Variants in HECTD2 observed in about 807,000 individuals in gnomAD.
HECTD2 encodes the protein HECT domain E3 ubiquitin protein ligase 2.
In HECTD2, 35 loss-of-function variants were observed where a neutral mutation model predicts 103.2. The observed-to-expected ratio is 0.34, with a 90% CI of 0.26 to 0.45. The LOEUF is 0.45. Ranked by LOEUF, HECTD2 falls within the 20% of genes least tolerant of loss-of-function variation. The pLI, the probability that HECTD2 is intolerant of heterozygous loss-of-function variation, is 1.00. For missense variants in HECTD2, 596 were observed against 937.4 expected, an observed-to-expected ratio of 0.64 and a Z score of 4.76; for synonymous variants, 281 against 329.9, an observed-to-expected ratio of 0.85 and a Z score of 1.61.
chr10:91,478,305 T>C (rs546827469), intron 6 of HECTD2, 40 bp downstream of exon 6: 1 of 1,215,186 alleles, frequency 8.2e-7, no homozygotes, highest in Non-Finnish European at 1.2e-6. Flanking sequence ...TCAGTATAGA[T>C]GTCTAACTTA....
chr10:91,438,160 G>A (rs1399047529), intron 2 of HECTD2, among the ~76,000 whole-genome samples: 2 of 151,678 alleles, frequency 1.3e-5, no homozygotes, highest in Non-Finnish European at 2.9e-5. Context: ...GTATACACGT[G>A]CAATGGTGGT....
At position 91,487,103 on chromosome 10, in the gene HECTD2, T is replaced by TGA. The variant is rs3834407; in HGVS notation, c.1095-579_1095-578insGA. The TGA allele has an allele frequency of 0.2, 30,604 of 154,360 alleles. 7,249 individuals carry two copies. The highest frequency in any genetic ancestry group is 0.58 in the African/African-American group (23,930 of 41,428). The allele number at this position is 154,360 out of a possible 1,614,324, so 9.6% of individuals were successfully genotyped here. On this transcript the variant is annotated intron_variant, in intron 10 of 20. Coordinates refer to ENST00000298068, the MANE Select transcript of HECTD2 (RefSeq NM_182765.6). The surrounding 1 kb of genome is among the most constrained non-coding windows in gnomAD (Gnocchi z 4.1). ...CAGGAGGGGTTATTTTCATAACCTT[T>TGA]TTATAATGTGTAATTACAAATACAT...
chr10:91,485,469 T>G (rs1846233691), intron 10 of HECTD2, 166 bp downstream of exon 10: 4 of 512,922 alleles, frequency 7.8e-6, no homozygotes, highest in Non-Finnish European at 1.3e-5. Flanking sequence ...TTTCTTTTTC[T>G]GCTACATTTT....
At chr10:91,411,840 T>C (rs1376318218) in intron 1 of HECTD2, among the ~76,000 whole-genome samples, 1 of 152,208 alleles carries the variant, frequency 6.6e-6, no homozygotes, top group Non-Finnish European at 1.5e-5. Context: ...CTGCTGCTGG[T>C]ACCCTAGGTT....
intron 20 of HECTD2, among the ~76,000 whole-genome samples, chr10:91,504,201 ACT>A (rs1403480884): frequency 2.0e-5 from 3 of 152,128 alleles, no homozygotes; most frequent in Non-Finnish European, 2.9e-5. Flanking sequence ...AAAACTGGAA[ACT>A]CTAAAAATCA....
chr10:91,431,406 C>T (rs1006091634), intron 2 of HECTD2, among the ~76,000 whole-genome samples: 11 of 152,136 alleles, frequency 7.2e-5, no homozygotes, highest in African/African-American at 2.7e-4. Context: ...CTCTGTATTT[C>T]CTGAATCTGA....
chr10:91,488,579 G>A (rs577514143), intron 11 of HECTD2: 2 of 152,098 alleles, frequency 1.3e-5, no homozygotes, highest in South Asian at 4.2e-4. Context: ...AATTGAAAAA[G>A]GAATATAGAG....
chr10:91,436,224 G>A (rs1218775771), intron 2 of HECTD2, among the ~76,000 whole-genome samples: 1 of 151,942 alleles, frequency 6.6e-6, no homozygotes, highest in African/African-American at 2.4e-5. Flanking sequence ...TCTGCTCATG[G>A]TTAATGAGGG....
intron 2 of HECTD2, among the ~76,000 whole-genome samples, chr10:91,430,422 C>G (rs1458220815): frequency 2.6e-5 from 4 of 152,080 alleles, no homozygotes; most frequent in Admixed American, 1.3e-4. Flanking sequence ...GAGTTCAATT[C>G]CTGGGTATCC....
At chr10:91,466,188 A>G (rs7918822) in intron 5 of HECTD2, among the ~76,000 whole-genome samples, 1,764 of 152,224 alleles carry the variant, frequency 0.012, 37 homozygotes, top group African/African-American at 0.04. Context: ...TAACATATCT[A>G]GGTTATCAAA....
rs1430190103 is a variant in HECTD2 at position 91,512,276 on chromosome 10, C to A, written c.2223C>A (p.Ala741=). 6.2e-7 allele frequency: 1 copy of A among 1,613,106 alleles called. No homozygotes were observed. The change falls in exon 21 of 21, where the codon GCC becomes GCA. Residue 741 remains alanine (A), a synonymous_variant. Coordinates refer to ENST00000298068, the MANE Select transcript of HECTD2 (RefSeq NM_182765.6). ...NETSTNCLPV[A]HTCFNQLCLP... ...TTTTTTTCCCTAGCTTACCTGTGGC[C>A]CATACCTGCTTCAATCAACTTTGCC...
rs575622839 is a variant in HECTD2 at position 91,443,575 on chromosome 10, G to C, written c.269-16852G>C. 3.9e-5 allele frequency among the ~76,000 whole-genome samples: 6 copies of C among 152,310 alleles called. No individual in the cohort carries two copies. The East Asian group carries it at 9.7e-4, about 25-fold the overall frequency. On this transcript the variant is annotated intron_variant, in intron 2 of 20. Transcript: ENST00000298068. ...CATGGGTGTCAGGGACCCACTTGAG[G>C]AGGCAGTCTGTCCCTTAGCAGAGCT...
intron 1 of HECTD2, 102 bp from the exon 2 acceptor site, chr10:91,425,179 C>T (rs1007823186): frequency 6.3e-5 from 61 of 967,148 alleles, no homozygotes; most frequent in Non-Finnish European, 4.5e-5. Context: ...ATTATCTACT[C>T]GTCATCAAAT....
In HECTD2 at chr10:91,491,303, A is replaced by ATGAGG; in HGVS notation, c.1297_1299+2dup. On this transcript the variant is annotated frameshift_variant, in exon 12 of 21. Coordinates refer to ENST00000298068, the MANE Select transcript of HECTD2 (RefSeq NM_182765.6). LOFTEE classifies it high-confidence loss of function. Reference sequence around the variant, plus strand: ...ACACATCTGGTTAGCGATTCACTTGATGAGGTATAATTTATTCCAAAATGA... The same window carrying ATGAGG: ...ACACATCTGGTTAGCGATTCACTTGATGAGGTGAGGTATAATTTATTCCAAAATGA... 7.3e-7 allele frequency: 1 copy of ATGAGG among 1,367,542 alleles called. No homozygotes were observed. The highest frequency in any genetic ancestry group is 1.0e-6 in the Non-Finnish European group (1 of 971,740). 84.7% of individuals were successfully genotyped at this position (1,367,542 alleles called of 1,614,324 possible).
intron 20 of HECTD2, among the ~76,000 whole-genome samples, chr10:91,505,921 AT>A (rs1369036622): frequency 6.6e-6 from 1 of 152,102 alleles, no homozygotes; most frequent in Non-Finnish European, 1.5e-5. Flanking sequence ...ATAACAAACT[AT>A]CTCTCAGACC....
intron 2 of HECTD2, among the ~76,000 whole-genome samples, chr10:91,436,037 CT>C (rs200174448): frequency 0.014 from 2,064 of 151,922 alleles, 46 homozygotes; most frequent in African/African-American, 0.047. Flanking sequence ...TTATAGTACC[CT>C]TTTATTTCAT....
intron 1 of HECTD2, among the ~76,000 whole-genome samples, chr10:91,421,788 C>T (rs1843369815): frequency 6.6e-6 from 1 of 152,228 alleles, no homozygotes; most frequent in Non-Finnish European, 1.5e-5. Context: ...CTCTTCTATA[C>T]AGTGAGGTGT....
intron 11 of HECTD2, chr10:91,488,966 TGTTA>T (rs1462255448): frequency 6.6e-6 from 1 of 152,222 alleles, no homozygotes; most frequent in Non-Finnish European, 1.5e-5. Context: ...TGACATTTTC[TGTTA>T]GTTGTACTCG....
chr10:91,466,389 C>G (rs1845533579), intron 5 of HECTD2, among the ~76,000 whole-genome samples: 1 of 151,778 alleles, frequency 6.6e-6, no homozygotes, highest in African/African-American at 2.4e-5. Context: ...CTGATTTTCC[C>G]TGTTCCCTGT....
Sources: allele counts gnomAD v4.1 joint callset (sites outside exome capture counted in the v4.1 genomes callset), GRCh38; gene constraint gnomAD v4.1.1; non-coding constraint Gnocchi (gnomAD v3.1); transcripts MANE v1.5; gene names NCBI Gene and HGNC (gene_info 2026-07-23, HGNC 2026-07-21).